Variants in GRID2 observed in about 807,000 individuals in gnomAD.
The protein encoded by GRID2 is glutamate ionotropic receptor delta type subunit 2, also known as glutamate receptor ionotropic, delta-2.
In GRID2, 33 loss-of-function variants were observed where a neutral mutation model predicts 114.8. The ratio of observed to expected loss-of-function variants is 0.29; its 90% CI spans 0.22 to 0.38. The LOEUF (loss-of-function observed/expected upper bound fraction) is 0.38, where lower values mean the gene tolerates loss of function less well. Among genes scored for constraint, GRID2 ranks in the 10% least tolerant of loss-of-function variants. The probability of loss-of-function intolerance (pLI) is 1.00; values close to 1 mark genes in which losing one functional copy is unlikely to be tolerated. For missense variants in GRID2, 1,184 were observed against 1,257.7 expected (o/e 0.94, Z 0.89); for synonymous variants, 505 against 449.9 (o/e 1.12, Z -1.55).
intron 1 of GRID2, among the ~76,000 whole-genome samples, chr4:92,314,909 T>C (rs769207746): frequency 1.3e-5 from 2 of 152,144 alleles, no homozygotes; most frequent in Non-Finnish European, 2.9e-5. Flanking sequence ...ATACAATAAA[T>C]TCATTTGGCA....
At chr4:93,564,164 T>G (rs1039467824) in intron 13 of GRID2, among the ~76,000 whole-genome samples, 1 of 151,996 alleles carries the variant, frequency 6.6e-6, no homozygotes, top group South Asian at 2.1e-4. Flanking sequence ...AAGGGCTTTT[T>G]AAAAATCTAT....
chr4:93,013,334 T>A (rs140968052), intron 2 of GRID2, among the ~76,000 whole-genome samples: 11 of 152,136 alleles, frequency 7.2e-5, no homozygotes, highest in African/African-American at 2.6e-4. Context: ...GATAACTTTA[T>A]GTTTATTGAC....
At chr4:92,393,132 G>A (rs560084440) in intron 1 of GRID2, among the ~76,000 whole-genome samples, 18 of 152,118 alleles carry the variant, frequency 1.2e-4, no homozygotes, top group African/African-American at 2.4e-4. Flanking sequence ...TGGTGAGGGC[G>A]TTGCCACACA....
chr4:92,951,965 G>A (rs1446562874), intron 2 of GRID2, among the ~76,000 whole-genome samples: 1 of 152,086 alleles, frequency 6.6e-6, no homozygotes, highest in East Asian at 1.9e-4. Flanking sequence ...TTGATTGATA[G>A]ATAAGGCTTT....
At chr4:92,581,144 T>C (rs1304429788) in intron 1 of GRID2, among the ~76,000 whole-genome samples, 1 of 151,702 alleles carries the variant, frequency 6.6e-6, no homozygotes, top group Admixed American at 6.6e-5. Context: ...CATTGCTGCC[T>C]TTATACAAGA....
intron 11 of GRID2, among the ~76,000 whole-genome samples, chr4:93,486,690 G>T (rs10014552): frequency 0.83 from 126,504 of 151,564 alleles, 53,376 homozygotes; most frequent in African/African-American, 0.96. Context: ...CAATCTTGCT[G>T]TCCTATAATA....
At chr4:93,463,962 C>G (rs1843263) in intron 11 of GRID2, among the ~76,000 whole-genome samples, 2 of 151,934 alleles carry the variant, frequency 1.3e-5, no homozygotes, top group Non-Finnish European at 2.9e-5. Context: ...GCACTCCAGC[C>G]TGGGCGACAC....
At chr4:92,908,561 C>CAAAAAAAAAAAAA (rs762037449) in intron 2 of GRID2, among the ~76,000 whole-genome samples, 33 of 35,966 alleles carry the variant, frequency 9.2e-4, no homozygotes, top group African/African-American at 2.9e-3. Flanking sequence ...GACTCCATCT[C>CAAAAAAAAAAAAA]AAAAAAAAAA....
rs55823712 is a variant in GRID2 at position 93,335,694 on chromosome 4, C to CTTTTTTTT, written c.1246-59908_1246-59901dup. ...TTCTCTCTCTCTTTCTTTCTTCTTT[C>CTTTTTTTT]TTTTTTTTTTTTGAGACAGGGTCTC... On this transcript the variant is annotated intron_variant, in intron 8 of 15. Coordinates refer to ENST00000282020, the MANE Select transcript of GRID2 (RefSeq NM_001510.4). Among the ~76,000 whole-genome samples the CTTTTTTTT allele has an allele frequency of 6.1e-3, 863 of 141,706 alleles. 39 individuals carry two copies. The highest frequency in any genetic ancestry group is 0.027 in the East Asian group (134 of 4,900). 93.0% of individuals were successfully genotyped at this position (141,706 alleles called of 152,430 possible).
At chr4:92,914,587 T>C (rs1448705926) in intron 2 of GRID2, among the ~76,000 whole-genome samples, 1 of 152,040 alleles carries the variant, frequency 6.6e-6, no homozygotes, top group Non-Finnish European at 1.5e-5. Context: ...CGCATTCTGA[T>C]AGGCCCTAGT....
At chr4:93,142,749 G>T (rs540029035) in intron 4 of GRID2, among the ~76,000 whole-genome samples, 15 of 152,310 alleles carry the variant, frequency 9.8e-5, no homozygotes, top group Admixed American at 7.2e-4. Context: ...TGAAAGGACC[G>T]TGAGGTTTCT....
rs188565923 is a variant in GRID2, at chr4:93,716,491, T to A, written c.2361-52719T>A. On this transcript the variant is annotated intron_variant, in intron 14 of 15. Coordinates refer to ENST00000282020, the MANE Select transcript of GRID2 (RefSeq NM_001510.4). ...TTGTCAACAGAATATATTAAGCACT[T>A]AACTCCTTAAAAAGACAATAATTGT... Among the ~76,000 whole-genome samples, 512 of 152,246 alleles carry A rather than the reference T, an allele frequency of 3.4e-3. 2 individuals are homozygous for A. Among genetic ancestry groups the A allele is most frequent in the Middle Eastern group, 0.014 (4 of 294 alleles).
intron 9 of GRID2, among the ~76,000 whole-genome samples, chr4:93,401,991 CAA>C (rs994660733): frequency 6.9e-6 from 1 of 145,654 alleles, no homozygotes; most frequent in Non-Finnish European, 1.5e-5. Flanking sequence ...TGTACAAAAA[CAA>C]AAAAAAAGTA....
intron 1 of GRID2, among the ~76,000 whole-genome samples, chr4:92,411,304 G>A (rs1283248228): frequency 1.3e-5 from 2 of 151,908 alleles, no homozygotes; most frequent in Non-Finnish European, 2.9e-5. Context: ...ATTATGAAAC[G>A]GAGGCTTGTG....
intron 2 of GRID2, among the ~76,000 whole-genome samples, chr4:92,627,240 C>T (rs1730570561): frequency 6.6e-6 from 1 of 152,052 alleles, no homozygotes; most frequent in African/African-American, 2.4e-5. Context: ...ATGTTAGCAT[C>T]TGGTAGCAGG....
chr4:92,313,998 T>C (rs1307750788), intron 1 of GRID2, among the ~76,000 whole-genome samples: 16 of 152,134 alleles, frequency 1.1e-4, no homozygotes, highest in Admixed American at 1.0e-3. Flanking sequence ...AAGAGAATTA[T>C]CAGTAAAATG....
At chr4:93,173,800 T>G (rs1739081197) in intron 4 of GRID2, among the ~76,000 whole-genome samples, 2 of 152,068 alleles carry the variant, frequency 1.3e-5, no homozygotes, top group Non-Finnish European at 2.9e-5. Flanking sequence ...CAGCTCATTT[T>G]TATATGTTTT....
intron 14 of GRID2, among the ~76,000 whole-genome samples, chr4:93,643,363 C>T (rs1351761545): frequency 3.4e-5 from 1 of 29,074 alleles, no homozygotes; most frequent in Admixed American, 2.9e-4. Flanking sequence ...TGAGGAACTG[C>T]GTTCCTTTGG....
chr4:92,784,978 A>G (rs1204873269), intron 2 of GRID2, among the ~76,000 whole-genome samples: 3 of 151,714 alleles, frequency 2.0e-5, no homozygotes, highest in South Asian at 4.1e-4. Context: ...TAAACATTAT[A>G]TCATAAATCC....
Sources: gnomAD v4.1 joint callset for allele counts (sites outside exome capture counted in the v4.1 genomes callset) on GRCh38, gnomAD v4.1.1 for gene constraint, MANE v1.5 for transcripts, NCBI Gene and HGNC (gene_info 2026-07-23, HGNC 2026-07-21) for gene names.